BCAR3: variants seen among roughly 807,000 people sequenced by gnomAD.
The protein encoded by BCAR3 is BCAR3 adaptor protein, NSP family member, also known as breast cancer anti-estrogen resistance protein 3.
In BCAR3, 37 loss-of-function variants were observed where a neutral mutation model predicts 80.1. That is an observed-to-expected ratio of 0.46 (90% CI 0.36 to 0.61). The LOEUF is 0.61. BCAR3 is among the 20% of genes least tolerant of loss of function. The pLI is 0.00. For synonymous variants in BCAR3, 389 were observed against 418.9 expected (o/e 0.93, Z 0.87); for missense variants, 978 against 1,068.2 (o/e 0.92, Z 1.18).
In BCAR3 at chr1:93,779,960, G is replaced by A. The variant is rs538577387; in HGVS notation, c.-63+65607C>T. Among the ~76,000 whole-genome samples the A allele has an allele frequency of 2.5e-4, 38 of 152,146 alleles. No homozygotes were observed. The South Asian group carries it at 7.7e-3, about 31-fold the overall frequency. On this transcript the variant is annotated intron_variant, in intron 2 of 13. Coordinates refer to the BCAR3 transcript ENST00000370244. Reference sequence around the variant, plus strand: ...GTTGCCCTTGGCCTCCACCCAAAAGGTAAACCCCTCAGGACATGTCTTCTC... The same window carrying A: ...GTTGCCCTTGGCCTCCACCCAAAAGATAAACCCCTCAGGACATGTCTTCTC...
intron 2 of BCAR3, among the ~76,000 whole-genome samples, chr1:93,820,738 T>C (rs1047044785): frequency 1.3e-5 from 2 of 152,140 alleles, no homozygotes; most frequent in Admixed American, 6.5e-5. Flanking sequence ...TCAGGGGGCA[T>C]TGGTGATTGG....
chr1:93,758,728 G>A (rs1026091029), intron 2 of BCAR3, among the ~76,000 whole-genome samples: 1 of 152,220 alleles, frequency 6.6e-6, no homozygotes, highest in African/African-American at 2.4e-5. Flanking sequence ...CGTTCACCAA[G>A]TCACTTTATC....
At chr1:93,822,036 A>G (rs570986717) in intron 2 of BCAR3, among the ~76,000 whole-genome samples, 1 of 152,332 alleles carries the variant, frequency 6.6e-6, no homozygotes, top group Non-Finnish European at 1.5e-5. Context: ...AAGCTGGGAT[A>G]TGCTTGAAGA....
chr1:93,681,897 C>T (rs1302798708), upstream of BCAR3: 1 of 152,302 alleles, frequency 6.6e-6, no homozygotes. Flanking sequence ...GGCCCCACCC[C>T]GGCGAGCCGA....
At chr1:93,803,361 A>T (rs1653553948) in intron 2 of BCAR3, among the ~76,000 whole-genome samples, 1 of 152,238 alleles carries the variant, frequency 6.6e-6, no homozygotes, top group Non-Finnish European at 1.5e-5. Flanking sequence ...AGCAATGCTT[A>T]GTTGACCTGT....
chr1:93,801,323 T>C (rs923814780), intron 2 of BCAR3, among the ~76,000 whole-genome samples: 3 of 152,192 alleles, frequency 2.0e-5, no homozygotes, highest in African/African-American at 7.2e-5. Flanking sequence ...AACTGGCCAA[T>C]TTATCGCAAG....
Position 93,589,524 on chromosome 1 carries a change from A to G in BCAR3, c.487-105T>C, listed in dbSNP as rs1674087352. The G allele has an allele frequency of 1.1e-5, 11 of 957,330 alleles. No homozygotes were observed. The Admixed American group carries it at 2.9e-4, about 25-fold the overall frequency. 59.3% of individuals were successfully genotyped at this position (957,330 alleles called of 1,614,324 possible). A position where few individuals can be genotyped will look rare whatever the true frequency, so the allele number is the denominator to read the frequency against. On this transcript the variant is annotated intron_variant, in intron 4 of 11. Coordinates refer to ENST00000260502, the MANE Select transcript of BCAR3 (RefSeq NM_003567.4). The stretch of plus-strand genomic sequence containing the variant: ...TGGGCCAACAGAAGACAATGCTACT[A>G]TGTCTCTTCTTGGGTCAGCTCTTTA...
intron 2 of BCAR3, among the ~76,000 whole-genome samples, chr1:93,647,730 C>A (rs1676184553): frequency 6.6e-6 from 1 of 152,062 alleles, no homozygotes; most frequent in Non-Finnish European, 1.5e-5. Context: ...CAAACAATGG[C>A]ATCTGAGACC....
chr1:93,815,476 G>C (rs1653983631), intron 2 of BCAR3, among the ~76,000 whole-genome samples: 1 of 152,158 alleles, frequency 6.6e-6, no homozygotes, highest in Admixed American at 6.5e-5. Flanking sequence ...CATATTTTTG[G>C]TATCTTGAGA....
intron 2 of BCAR3, among the ~76,000 whole-genome samples, chr1:93,647,130 A>G (rs1676169109): frequency 6.6e-6 from 1 of 152,228 alleles, no homozygotes; most frequent in Non-Finnish European, 1.5e-5. Context: ...AACAAGGTAA[A>G]GGAATCAGGA....
intron 2 of BCAR3, among the ~76,000 whole-genome samples, chr1:93,798,230 G>A (rs927235347): frequency 5.3e-5 from 8 of 152,164 alleles, no homozygotes; most frequent in Non-Finnish European, 1.2e-4. Flanking sequence ...GCAAGTTGGG[G>A]GAAAAGCATT....
chr1:93,766,502 T>C (rs12143397), intron 2 of BCAR3, among the ~76,000 whole-genome samples: 17,800 of 152,208 alleles, frequency 0.12, 1,458 homozygotes, highest in African/African-American at 0.22. Flanking sequence ...TCTTCCCAGA[T>C]GAATTTTCTT....
At chr1:93,659,044 C>T (rs543688409) in intron 2 of BCAR3, among the ~76,000 whole-genome samples, 34 of 152,310 alleles carry the variant, frequency 2.2e-4, no homozygotes, top group South Asian at 6.2e-4. Flanking sequence ...TGGGGGCTTC[C>T]GCTCATTTGC....
chr1:93,756,009 G>C (rs918894872), intron 2 of BCAR3, among the ~76,000 whole-genome samples: 3 of 152,146 alleles, frequency 2.0e-5, no homozygotes, highest in Non-Finnish European at 4.4e-5. Context: ...AAGTAAGAGT[G>C]GGGAGAATAC....
intron 9 of BCAR3, among the ~76,000 whole-genome samples, chr1:93,570,520 T>C (rs960487694): frequency 1.3e-5 from 2 of 152,188 alleles, no homozygotes; most frequent in Admixed American, 6.5e-5. Context: ...GATACAGATA[T>C]TCAGGTTTGA....
At chr1:93,670,792 CAATT>C (rs1455682086) in intron 2 of BCAR3, among the ~76,000 whole-genome samples, 5 of 151,900 alleles carry the variant, frequency 3.3e-5, no homozygotes, top group South Asian at 2.1e-4. Flanking sequence ...TAGGAGATAA[CAATT>C]AATAATATTA....
intron 11 of BCAR3, 57 bp from the exon 12 acceptor site, chr1:93,562,476 A>ATTT (rs1276502200): frequency 6.4e-7 from 1 of 1,556,880 alleles, no homozygotes; most frequent in Non-Finnish European, 8.7e-7. Flanking sequence ...TGTGTTAAAA[A>ATTT]TAGACTGAAA....
intron 2 of BCAR3, among the ~76,000 whole-genome samples, chr1:93,766,560 C>T (rs1288270089): frequency 1.3e-5 from 2 of 152,212 alleles, no homozygotes; most frequent in East Asian, 1.9e-4. Flanking sequence ...TGCTGACTGC[C>T]GTCCAGAGCC....
intron 5 of BCAR3, among the ~76,000 whole-genome samples, chr1:93,584,665 G>C (rs1393229721): frequency 6.6e-6 from 1 of 152,180 alleles, no homozygotes; most frequent in Non-Finnish European, 1.5e-5. Flanking sequence ...GGCTGCTCTC[G>C]GGGGACCCCC....
Sources: allele counts gnomAD v4.1 joint callset (sites outside exome capture counted in the v4.1 genomes callset), GRCh38; gene constraint gnomAD v4.1.1; transcripts MANE v1.5; gene names NCBI Gene and HGNC (gene_info 2026-07-23, HGNC 2026-07-21).